ANKRD7: variants seen among roughly 807,000 people sequenced by gnomAD.
ANKRD7 encodes ankyrin repeat domain 7.
ANKRD7 carries 30 observed loss-of-function variants against 30.8 expected under a neutral mutation model. The observed-to-expected ratio is 0.97, with a 90% CI of 0.73 to 1.32. The LOEUF (loss-of-function observed/expected upper bound fraction) is 1.32, where lower values mean the gene tolerates loss of function less well. Ranked by LOEUF, ANKRD7 falls within the 40% of genes most tolerant of loss-of-function variation. The pLI, the probability that ANKRD7 is intolerant of heterozygous loss-of-function variation, is 0.00. For synonymous variants in ANKRD7, 97 were observed against 106.6 expected (o/e 0.91, Z 0.55); for missense variants, 264 against 295.7 (o/e 0.89, Z 0.79).
At chr7:118,233,791 G>A (rs570139518) in intron 1 of ANKRD7, among the ~76,000 whole-genome samples, 2 of 152,182 alleles carry the variant, frequency 1.3e-5, no homozygotes, top group East Asian at 1.9e-4. Flanking sequence ...GCCAGTCCAG[G>A]CTAAAAACTG....
chr7:118,241,818 C>T (rs1055457762), intron 6 of ANKRD7, among the ~76,000 whole-genome samples: 3 of 152,046 alleles, frequency 2.0e-5, no homozygotes, highest in Admixed American at 6.6e-5. Flanking sequence ...TAATTACATG[C>T]GTGAGCCACT....
At chr7:118,236,202 GTGTGCGTA>G in intron 4 of ANKRD7, 55 bp downstream of exon 4, 1 of 925,916 alleles carries the variant, frequency 1.1e-6, no homozygotes, top group Non-Finnish European at 1.7e-6. Flanking sequence ...AGGATTGTGT[GTGTGCGTA>G]TGTGTGTGTG....
chr7:118,241,160 CAA>C (rs60703234), intron 6 of ANKRD7, among the ~76,000 whole-genome samples: 213 of 21,834 alleles, frequency 9.8e-3, no homozygotes, highest in African/African-American at 0.029. Context: ...GACTCCGTCT[CAA>C]AAAAAAAAAA....
At chr7:118,230,438 A>G (rs958523503) in intron 1 of ANKRD7, among the ~76,000 whole-genome samples, 1 of 152,012 alleles carries the variant, frequency 6.6e-6, no homozygotes, top group South Asian at 2.1e-4. Context: ...TCTAAAAAAA[A>G]AGGATAGTGA....
intron 1 of ANKRD7, among the ~76,000 whole-genome samples, chr7:118,231,059 A>G (rs1184514446): frequency 6.6e-6 from 1 of 152,074 alleles, no homozygotes; most frequent in Non-Finnish European, 1.5e-5. Context: ...CAGGAAAAAC[A>G]TTGTTCTGAG....
At chr7:118,234,659 A>G in intron 2 of ANKRD7, 42 bp from the exon 3 acceptor site, 1 of 1,575,048 alleles carries the variant, frequency 6.3e-7, no homozygotes, top group Non-Finnish European at 8.6e-7. Flanking sequence ...TCATATCCCA[A>G]GTAGTAAATT....
At chr7:118,238,175 A>G (rs1411530564) in intron 5 of ANKRD7, among the ~76,000 whole-genome samples, 1 of 152,220 alleles carries the variant, frequency 6.6e-6, no homozygotes, top group Non-Finnish European at 1.5e-5. Flanking sequence ...TGGCTTTTAG[A>G]ACAGAAAATT....
chr7:118,229,353 C>T (rs1232677999), intron 1 of ANKRD7, among the ~76,000 whole-genome samples: 1 of 152,062 alleles, frequency 6.6e-6, no homozygotes, highest in Non-Finnish European at 1.5e-5. Context: ...TTAATATTGT[C>T]TTATGTACTT....
At chr7:118,226,962 T>A (rs1809554024) in intron 1 of ANKRD7, among the ~76,000 whole-genome samples, 1 of 152,210 alleles carries the variant, frequency 6.6e-6, no homozygotes, top group South Asian at 2.1e-4. Context: ...CAGAGCTTAA[T>A]CTATTTACAC....
intron 1 of ANKRD7, 62 bp downstream of exon 1, chr7:118,225,071 A>G (rs1809518284): frequency 3.2e-6 from 5 of 1,574,570 alleles, no homozygotes; most frequent in African/African-American, 1.4e-5. Flanking sequence ...TCAACCAGAA[A>G]TAAGACAAGT....
At position 118,234,475 on chromosome 7, in the gene ANKRD7, T is replaced by C; in HGVS notation, c.224T>C (p.Val75Ala). The change falls in exon 2 of 7, where the codon GTA (valine) becomes GCA (alanine). Residue 75 changes from valine to alanine, a missense_variant. Val to Ala is a moderately conservative substitution (Grantham distance 64). Coordinates refer to ENST00000265224, the MANE Select transcript of ANKRD7 (RefSeq NM_019644.4). The part of the protein sequence containing the change: ...LACANGHTDV[V>A]LFLIEQQCKI... ...TGTGCTAATGGACATACAGATGTTG[T>C]ACTTTTCCTAATTGAGCAACAATGC... 1 of 1,613,274 alleles carries C rather than the reference T, an allele frequency of 6.2e-7. No individual in the cohort carries two copies. The highest frequency in any genetic ancestry group is 2.2e-5 in the East Asian group (1 of 44,806).
chr7:118,234,984 C>T (rs1346183926), intron 3 of ANKRD7, 110 bp downstream of exon 3: 10 of 937,660 alleles, frequency 1.1e-5, no homozygotes, highest in Non-Finnish European at 1.5e-5. Context: ...ATGAATTTTC[C>T]AAACTAAAAT....
intron 5 of ANKRD7, among the ~76,000 whole-genome samples, chr7:118,238,610 T>C (rs1809773938): frequency 6.6e-6 from 1 of 152,186 alleles, no homozygotes; most frequent in African/African-American, 2.4e-5. Flanking sequence ...GCATAGACAA[T>C]ATTCCTCATA....
Position 118,241,521 on chromosome 7 carries a change from CTTT to C in ANKRD7, c.*38-802_*38-800del, listed in dbSNP as rs3061682. On this transcript the variant is annotated intron_variant, in intron 6 of 6. Coordinates refer to ENST00000265224, the MANE Select transcript of ANKRD7 (RefSeq NM_019644.4). Reference sequence around the variant, plus strand: ...TTAGGGGAGAATTTCTCTGAATTACCTTTTTTTTTTTTTTTTTTTTTTTTTTTT... The same window carrying C: ...TTAGGGGAGAATTTCTCTGAATTACCTTTTTTTTTTTTTTTTTTTTTTTTT... 6.1e-3 allele frequency among the ~76,000 whole-genome samples: 519 copies of C among 84,468 alleles called. 1 individual carries two copies. Among genetic ancestry groups the C allele is most frequent in the African/African-American group, 0.02 (455 of 22,258 alleles). 55.4% of individuals were successfully genotyped at this position (84,468 alleles called of 152,430 possible). A position where few individuals can be genotyped will look rare whatever the true frequency, so the allele number is the denominator to read the frequency against.
At chr7:118,231,229 T>A (rs1383651396) in intron 1 of ANKRD7, among the ~76,000 whole-genome samples, 6 of 152,120 alleles carry the variant, frequency 3.9e-5, no homozygotes, top group Admixed American at 2.0e-4. Context: ...TAGCTCCCTG[T>A]TAATGTGCTC....
chr7:118,228,040 T>C (rs1380844728), intron 1 of ANKRD7: 3 of 1,298,214 alleles, frequency 2.3e-6, no homozygotes, highest in Admixed American at 2.4e-5. Context: ...GTTTTTAGTC[T>C]TACCTTGCTG....
intron 3 of ANKRD7, among the ~76,000 whole-genome samples, chr7:118,235,730 A>G (rs1809717413): frequency 6.6e-6 from 1 of 152,116 alleles, no homozygotes; most frequent in African/African-American, 2.4e-5. Context: ...ATGTGACAAT[A>G]TTATGAAATG....
At chr7:118,228,064 G>A (rs986751382) in intron 1 of ANKRD7, 113 of 1,286,118 alleles carry the variant, frequency 8.8e-5, no homozygotes, top group Middle Eastern at 6.6e-4. Context: ...TGTCAGCAAA[G>A]TATTTTATTT....
At chr7:118,231,798 A>G (rs1478827855) in intron 1 of ANKRD7, among the ~76,000 whole-genome samples, 19 of 152,052 alleles carry the variant, frequency 1.2e-4, no homozygotes, top group Admixed American at 1.2e-3. Context: ...TATATGAGAG[A>G]GTGAGAGTCT....
Sources: allele counts gnomAD v4.1 joint callset (sites outside exome capture counted in the v4.1 genomes callset), GRCh38; gene constraint gnomAD v4.1.1; transcripts MANE v1.5; gene names NCBI Gene and HGNC (gene_info 2026-07-23, HGNC 2026-07-21).